Variants in FANCD2 observed in about 807,000 individuals in gnomAD.
FANCD2 encodes the protein FA complementation group D2.
FANCD2 carries 131 observed loss-of-function variants against 192.3 expected under a neutral mutation model. The ratio of observed to expected loss-of-function variants is 0.68; its 90% CI spans 0.59 to 0.79. The LOEUF (loss-of-function observed/expected upper bound fraction) is 0.79. FANCD2 is among the 30% of genes least tolerant of loss of function. The pLI is 0.00. For synonymous variants in FANCD2, 524 were observed against 612.5 expected, an observed-to-expected ratio of 0.86 and a Z score of 2.13; for missense variants, 1,508 against 1,701.6, an observed-to-expected ratio of 0.89 and a Z score of 2.00.
chr3:10,026,976 G>A (rs1358256719), intron 1 of FANCD2, among the ~76,000 whole-genome samples: 1 of 140,834 alleles, frequency 7.1e-6, no homozygotes, highest in Non-Finnish European at 1.5e-5. Context: ...GCTGAAGCCA[G>A]ACTCCGAGTT....
At chr3:10,030,360 G>T (rs1309042660) in intron 2 of FANCD2, among the ~76,000 whole-genome samples, 4 of 151,860 alleles carry the variant, frequency 2.6e-5, no homozygotes, top group Non-Finnish European at 4.4e-5. Context: ...GCCTCCCAAA[G>T]TGCTGGGATA....
At chr3:10,045,845 C>T (rs1379984636) in intron 14 of FANCD2, 1 of 151,838 alleles carries the variant, frequency 6.6e-6, no homozygotes, top group East Asian at 1.9e-4. Context: ...CGTAATCCAC[C>T]CATCTCGGCC....
intron 36 of FANCD2, among the ~76,000 whole-genome samples, chr3:10,089,820 A>T (rs962468976): frequency 2.0e-5 from 3 of 152,186 alleles, no homozygotes; most frequent in Non-Finnish European, 4.4e-5. Flanking sequence ...GTCTCACTTA[A>T]TGGGTGTGTG....
In FANCD2 at chr3:10,039,744, G is replaced by T; in HGVS notation, c.594G>T (p.Gln198His). The change falls in exon 9 of 44, where the codon CAG becomes CAT. Residue 198 changes from glutamine to histidine, a missense_variant. Gln to His is a conservative substitution (Grantham distance 24). Around this residue, in one of 5 missense-constraint regions of FANCD2, gnomAD observed 435 missense variants for 421.9 expected, o/e 1.03. Transcript: ENST00000675286. ...DGKDLTTKIMQLISIAPENLQ... is the reference protein window; with the variant it reads ...DGKDLTTKIMHLISIAPENLQ... The stretch of plus-strand genomic sequence containing the variant: ...AGGACCTCACCACCAAGATCATGCA[G>T]CTGATCAGTATTGCTCCAGAGAACC... 1 of 1,614,042 alleles carries T rather than the reference G, an allele frequency of 6.2e-7. No individual in the cohort carries two copies. The highest frequency in any genetic ancestry group is 8.5e-7 in the Non-Finnish European group (1 of 1,180,006).
In FANCD2 at chr3:10,088,519, T is replaced by C; in HGVS notation, c.3537T>C (p.Asn1179=). The C allele has an allele frequency of 6.2e-7, 1 of 1,607,076 alleles. No individual in the cohort carries two copies. The highest frequency in any genetic ancestry group is 8.5e-7 in the Non-Finnish European group (1 of 1,173,546). The change falls in exon 35 of 44, where the codon AAT becomes AAC. Residue 1179 remains asparagine, a synonymous_variant. Transcript: ENST00000675286. ...SGDKEKSNIS[N]DQLHALLCIY... ...ATAAAGAGAAGAGCAACATCTCTAA[T>C]GACCAGCTCCATGCTCTGCTCTGGT...
chr3:10,092,136 T>C (rs1398420406), intron 37 of FANCD2, 45 bp from the exon 38 acceptor site: 2 of 1,239,538 alleles, frequency 1.6e-6, no homozygotes, highest in East Asian at 2.3e-5. Context: ...GTAAGGGAAG[T>C]ATTTGGCTGT....
chr3:10,070,503 TGG>T (rs1164780684), intron 26 of FANCD2, among the ~76,000 whole-genome samples: 3 of 58,088 alleles, frequency 5.2e-5, no homozygotes, highest in Non-Finnish European at 9.4e-5. Flanking sequence ...GGGAGGGAGG[TGG>T]GGGGGGTCAG....
chr3:10,069,919 G>A (rs1320340191), intron 26 of FANCD2, among the ~76,000 whole-genome samples: 3 of 151,534 alleles, frequency 2.0e-5, no homozygotes, highest in African/African-American at 4.9e-5. Flanking sequence ...CTGCCTGGCC[G>A]CCCATCGTCT....
At position 10,088,517 on chromosome 3, in the gene FANCD2, A is replaced by G. The variant is rs949980921; in HGVS notation, c.3535A>G (p.Asn1179Asp). 5.6e-6 allele frequency: 9 copies of G among 1,607,092 alleles called. No homozygotes were observed. Among genetic ancestry groups the G allele is most frequent in the Middle Eastern group, 1.6e-4 (1 of 6,074 alleles). Reference sequence around the variant, plus strand: ...GGATAAAGAGAAGAGCAACATCTCTAATGACCAGCTCCATGCTCTGCTCTG... The same window carrying G: ...GGATAAAGAGAAGAGCAACATCTCTGATGACCAGCTCCATGCTCTGCTCTG... ...SGDKEKSNIS[N>D]DQLHALLCIY... The change falls in exon 35 of 44, where the codon AAT becomes GAT. Residue 1179 changes from asparagine (N) to aspartate (D), a missense_variant. By Grantham distance (23) the Asn-to-Asp change is conservative. Coordinates refer to ENST00000675286, the MANE Select transcript of FANCD2 (RefSeq NM_001018115.3).
At chr3:10,076,709 C>A (rs1674749406) in intron 29 of FANCD2, among the ~76,000 whole-genome samples, 1 of 152,016 alleles carries the variant, frequency 6.6e-6, no homozygotes, top group African/African-American at 2.4e-5. Flanking sequence ...CCCACTACAC[C>A]CGGCTAGTTT....
intron 18 of FANCD2, among the ~76,000 whole-genome samples, chr3:10,054,398 TATATGTATATAC>T (rs1411076338): frequency 2.9e-4 from 30 of 102,774 alleles, no homozygotes; most frequent in African/African-American, 1.5e-3. Context: ...TGTATATACG[TATATGTATATAC>T]GTATATACAT....
chr3:10,035,006 T>C (rs1403922076), intron 5 of FANCD2, among the ~76,000 whole-genome samples, 167 bp from the exon 6 acceptor site: 3 of 152,250 alleles, frequency 2.0e-5, no homozygotes, highest in East Asian at 3.8e-4. Flanking sequence ...ATTTCAAATC[T>C]CTACCTCTCC....
At position 10,065,404 on chromosome 3, in the gene FANCD2, C is replaced by T. The variant is rs911843298; in HGVS notation, c.2179C>T (p.Pro727Ser). Residue 727 changes from proline to serine, a missense_variant, in exon 24 of 44, where the codon CCG becomes TCG. Pro to Ser is a moderately conservative substitution (Grantham distance 74). Around this residue, in one of 5 missense-constraint regions of FANCD2, gnomAD observed 796 missense variants for 879.4 expected, o/e 0.91. Coordinates refer to ENST00000675286, the MANE Select transcript of FANCD2 (RefSeq NM_001018115.3). Reference protein sequence around the residue: ...SQESGQKLVSPLCLAPYFRLL... With the variant: ...SQESGQKLVSSLCLAPYFRLL... Reference sequence around the variant, plus strand: ...ATTTCTCCTTCTCAGATTGGTGTCTCCGCTGTGCCTGGCTCCGTATTTCCG... The same window carrying T: ...ATTTCTCCTTCTCAGATTGGTGTCTTCGCTGTGCCTGGCTCCGTATTTCCG... 1.9e-5 allele frequency: 31 copies of T among 1,612,714 alleles called. No individual in the cohort carries two copies. The highest frequency in any genetic ancestry group is 2.5e-5 in the Non-Finnish European group (30 of 1,178,812).
intron 25 of FANCD2, 40 bp from the exon 26 acceptor site, chr3:10,067,169 G>A (rs763095281): frequency 7.9e-7 from 1 of 1,266,694 alleles, no homozygotes; most frequent in Non-Finnish European, 1.1e-6. Flanking sequence ...GTTAAAATCT[G>A]AACATTTGGA....
rs113441432 is a variant in FANCD2, at chr3:10,096,013, AC to A, written c.4039-312del. The stretch of plus-strand genomic sequence containing the variant: ...ATGTTTAAGGAATTCTCTTAGCTAA[AC>A]AGGGCTACTCTATTGTTTAATATCA... On this transcript the variant is annotated intron_variant, in intron 41 of 43. Coordinates refer to ENST00000675286, the MANE Select transcript of FANCD2 (RefSeq NM_001018115.3). Among the ~76,000 whole-genome samples the A allele has an allele frequency of 2.0e-4, 30 of 152,266 alleles. 1 individual carries two copies. Among genetic ancestry groups the A allele is most frequent in the African/African-American group, 6.7e-4 (28 of 41,548 alleles).
chr3:10,030,176 A>G (rs1266123390), intron 2 of FANCD2, among the ~76,000 whole-genome samples: 1 of 150,238 alleles, frequency 6.7e-6, no homozygotes, highest in Non-Finnish European at 1.5e-5. Context: ...GGCTCACTGC[A>G]ACCTCCGCCT....
chr3:10,095,848 G>A (rs1694921216), intron 41 of FANCD2, among the ~76,000 whole-genome samples: 2 of 150,138 alleles, frequency 1.3e-5, no homozygotes. Flanking sequence ...TTCCTCCTCT[G>A]GTTCTAAATT....
intron 26 of FANCD2, among the ~76,000 whole-genome samples, chr3:10,069,733 G>A (rs577455927): frequency 6.6e-6 from 1 of 152,238 alleles, no homozygotes; most frequent in East Asian, 1.9e-4. Flanking sequence ...CGAGGTGCCG[G>A]GATTGCAGAC....
intron 35 of FANCD2, 122 bp from the exon 36 acceptor site, chr3:10,088,706 G>T: frequency 8.4e-7 from 1 of 1,186,986 alleles, no homozygotes; most frequent in South Asian, 1.2e-5. Flanking sequence ...AGATCCTCTG[G>T]TTCTGTTTTA....
Sources: gnomAD v4.1 joint callset for allele counts (sites outside exome capture counted in the v4.1 genomes callset) on GRCh38, gnomAD v4.1.1 for gene constraint, gnomAD v4.1.1 regional missense constraint, MANE v1.5 for transcripts, NCBI Gene and HGNC (gene_info 2026-07-23, HGNC 2026-07-21) for gene names.